PCGF5: variants seen among roughly 807,000 people sequenced by gnomAD.
PCGF5 encodes the protein polycomb group ring finger 5.
In PCGF5, 9 loss-of-function variants were observed where a neutral mutation model predicts 44.3. That is an observed-to-expected ratio of 0.20 (90% CI 0.12 to 0.35). The LOEUF (loss-of-function observed/expected upper bound fraction) is 0.35. Ranked by LOEUF, PCGF5 falls within the 10% of genes least tolerant of loss-of-function variation. The pLI is 1.00. For missense variants in PCGF5, 146 were observed against 305.3 expected, an observed-to-expected ratio of 0.48 and a Z score of 3.89; for synonymous variants, 95 against 102.5, an observed-to-expected ratio of 0.93 and a Z score of 0.44.
Position 91,210,106 on chromosome 10 carries a change from A to G in PCGF5, c.-183-12583A>G, listed in dbSNP as rs561556143. 1.1e-4 allele frequency among the ~76,000 whole-genome samples: 16 copies of G among 152,324 alleles called. 1 individual carries two copies. The South Asian group carries it at 2.1e-3, about 20-fold the overall frequency. On this transcript the variant is annotated intron_variant, in intron 1 of 9. Coordinates refer to the PCGF5 transcript ENST00000614189. ...TAACATATAAATGATTTGCAACTTCATATGCCCCACTGCTCTCCCTTAACG... is the reference window on the plus strand; with the variant it reads ...TAACATATAAATGATTTGCAACTTCGTATGCCCCACTGCTCTCCCTTAACG...
chr10:91,236,779 G>A (rs1845177220), intron 2 of PCGF5, among the ~76,000 whole-genome samples: 1 of 152,138 alleles, frequency 6.6e-6, no homozygotes, highest in African/African-American at 2.4e-5. Context: ...CTTCAAGCCT[G>A]GATTTCCTCA....
chr10:91,244,498 T>C (rs1845408128), intron 3 of PCGF5, among the ~76,000 whole-genome samples: 1 of 152,152 alleles, frequency 6.6e-6, no homozygotes, highest in Admixed American at 6.5e-5. Flanking sequence ...CTGTAAACAT[T>C]TTATCTTTTA....
Position 91,281,411 on chromosome 10 carries a change from G to T in PCGF5, c.*3095G>T, listed in dbSNP as rs187750853. 2.0e-5 allele frequency: 3 copies of T among 152,414 alleles called. No homozygotes were observed. The highest frequency in any genetic ancestry group is 4.4e-5 in the Non-Finnish European group (3 of 67,932). The allele number at this position is 152,414 out of a possible 1,614,324, so 9.4% of individuals were successfully genotyped here. On this transcript the variant is annotated 3_prime_UTR_variant, in exon 10 of 10. Coordinates refer to ENST00000336126, the MANE Select transcript of PCGF5 (RefSeq NM_032373.5). ...GAAAAAAAGTGTGTTATATAATATT[G>T]TGAACTGTTTAGCTTTACTGAAATA...
intron 1 of PCGF5, among the ~76,000 whole-genome samples, chr10:91,171,914 T>C (rs1254445913): frequency 6.6e-6 from 1 of 152,220 alleles, no homozygotes; most frequent in Non-Finnish European, 1.5e-5. Context: ...AGTGTCTGTC[T>C]TTAAAACTAT....
chr10:91,157,763 A>G, the PCGF5 span, among the ~76,000 whole-genome samples: 2 of 152,230 alleles, frequency 1.3e-5, no homozygotes, highest in Non-Finnish European at 2.9e-5. Flanking sequence ...AGGACACATG[A>G]TAAGAGGATG....
At chr10:91,182,953 T>A (rs1219169869) in intron 1 of PCGF5, among the ~76,000 whole-genome samples, 1 of 152,266 alleles carries the variant, frequency 6.6e-6, no homozygotes, top group East Asian at 1.9e-4. Context: ...TCTTGAGTTC[T>A]AATTTGATTG....
rs1273737018 is a variant in PCGF5, at chr10:91,280,263, T to C, written c.*1947T>C. On this transcript the variant is annotated 3_prime_UTR_variant, in exon 10 of 10. Coordinates refer to ENST00000336126, the MANE Select transcript of PCGF5 (RefSeq NM_032373.5). Reference sequence around the variant, plus strand: ...CTAGGTCAGCGATTAAAATAGTGTTTTGCAAATGGAATTTTAATTAACTCA... The same window carrying C: ...CTAGGTCAGCGATTAAAATAGTGTTCTGCAAATGGAATTTTAATTAACTCA... The C allele has an allele frequency of 1.3e-5, 2 of 152,038 alleles. No homozygotes were observed. Among genetic ancestry groups the C allele is most frequent in the Non-Finnish European group, 2.9e-5 (2 of 67,880 alleles). 9.4% of individuals were successfully genotyped at this position (152,038 alleles called of 1,614,324 possible). A position where few individuals can be genotyped will look rare whatever the true frequency, so the allele number is the denominator to read the frequency against.
chr10:91,240,610 A>T, intron 3 of PCGF5, 30 bp downstream of exon 3: 1 of 1,398,600 alleles, frequency 7.2e-7, no homozygotes, highest in Non-Finnish European at 1.0e-6. Flanking sequence ...CAGTTCATCT[A>T]ATTTACATAA....
upstream of PCGF5, among the ~76,000 whole-genome samples, chr10:91,217,288 TC>T (rs1413177142): frequency 1.3e-5 from 2 of 152,224 alleles, no homozygotes; most frequent in African/African-American, 2.4e-5. Context: ...CGCCTCGGCC[TC>T]CCGAAGTGCT....
chr10:91,163,030 C>A (rs1187770332), exon 1 of PCGF5: 2 of 147,520 alleles, frequency 1.4e-5, no homozygotes, highest in East Asian at 4.0e-4. Context: ...CGCGCGCTCG[C>A]GCACCACGCG....
At chr10:91,202,283 G>A (rs779425067) in intron 1 of PCGF5, among the ~76,000 whole-genome samples, 1 of 152,154 alleles carries the variant, frequency 6.6e-6, no homozygotes, top group Non-Finnish European at 1.5e-5. Flanking sequence ...TATAGACTCT[G>A]AAGCAAAATA....
intron 6 of PCGF5, among the ~76,000 whole-genome samples, chr10:91,258,657 A>G (rs936892969): frequency 1.3e-5 from 2 of 152,162 alleles, no homozygotes; most frequent in Non-Finnish European, 2.9e-5. Flanking sequence ...GAGAAGGTGA[A>G]CAGATAACAG....
At chr10:91,224,251 C>T (rs1044038124) in intron 2 of PCGF5, among the ~76,000 whole-genome samples, 4 of 152,182 alleles carry the variant, frequency 2.6e-5, no homozygotes, top group African/African-American at 9.7e-5. Flanking sequence ...CTGATGTATA[C>T]TCCTTTGGGG....
chr10:91,281,639 G>A lies in PCGF5; in HGVS notation c.*3323G>A, dbSNP rs184851487. On this transcript the variant is annotated 3_prime_UTR_variant, in exon 10 of 10. Transcript: ENST00000336126. ...AAATTAATAACCATGTTGGAGAGAC[G>A]GTTTTAACAGTTTGGAGGTTGGAAA... The A allele has an allele frequency of 1.4e-4, 22 of 152,578 alleles. 1 individual carries two copies. Among genetic ancestry groups the A allele is most frequent in the Admixed American group, 2.0e-4 (3 of 15,288 alleles). The allele number at this position is 152,578 out of a possible 1,614,324, so 9.5% of individuals were successfully genotyped here.
At chr10:91,173,514 T>C (rs917585336) in intron 1 of PCGF5, among the ~76,000 whole-genome samples, 1 of 151,542 alleles carries the variant, frequency 6.6e-6, no homozygotes, top group African/African-American at 2.4e-5. Context: ...GCTCAAGAAA[T>C]AGACCAATTT....
chr10:91,271,102 C>CTA lies in PCGF5; in HGVS notation c.664-523_664-522dup, dbSNP rs140567803. Among the ~76,000 whole-genome samples, 302 of 124,272 alleles carry CTA rather than the reference C, an allele frequency of 2.4e-3. 1 individual carries two copies. The highest frequency in any genetic ancestry group is 3.8e-3 in the Non-Finnish European group (240 of 62,558). 81.5% of individuals were successfully genotyped at this position (124,272 alleles called of 152,430 possible). A position where few individuals can be genotyped will look rare whatever the true frequency, so the allele number is the denominator to read the frequency against. On this transcript the variant is annotated intron_variant, in intron 8 of 9. Transcript: ENST00000336126. ...ATGTGACTAAAATATAGATCTAATG[C>CTA]TATATATATATATAATCTAATATAT...
chr10:91,226,517 A>T (rs1275197408), intron 2 of PCGF5, among the ~76,000 whole-genome samples: 1 of 152,160 alleles, frequency 6.6e-6, no homozygotes, highest in East Asian at 1.9e-4. Flanking sequence ...GATTATTAGT[A>T]GCTCTCTCTG....
intron 1 of PCGF5, among the ~76,000 whole-genome samples, chr10:91,197,381 G>A (rs57318884): frequency 0.046 from 6,995 of 152,222 alleles, 473 homozygotes; most frequent in African/African-American, 0.16. Context: ...CTGCACAGAC[G>A]TATATCTTTG....
chr10:91,237,064 T>C (rs1845184623), intron 2 of PCGF5, among the ~76,000 whole-genome samples: 1 of 152,230 alleles, frequency 6.6e-6, no homozygotes, highest in African/African-American at 2.4e-5. Context: ...ATATTGGTTT[T>C]AACCACTAAC....
Sources: allele counts gnomAD v4.1 joint callset (sites outside exome capture counted in the v4.1 genomes callset), GRCh38; gene constraint gnomAD v4.1.1; transcripts MANE v1.5; gene names NCBI Gene and HGNC (gene_info 2026-07-23, HGNC 2026-07-21).